Variants in SPAG17 observed in about 807,000 individuals in gnomAD.
SPAG17 encodes the protein sperm-associated antigen 17.
A neutral mutation model predicts 273.6 loss-of-function variants in SPAG17; 169 were observed. The observed-to-expected ratio is 0.62, with a 90% confidence interval of 0.55 to 0.70. The LOEUF is 0.70. Among genes scored for constraint, SPAG17 ranks in the 30% least tolerant of loss-of-function variants. The pLI is 0.00. For missense variants in SPAG17, 2,557 were observed against 2,627.8 expected (o/e 0.97, Z 0.59); for synonymous variants, 825 against 873.2 (o/e 0.94, Z 0.97).
chr1:118,002,769 C>T (rs1478612782), intron 32 of SPAG17, among the ~76,000 whole-genome samples: 1 of 152,084 alleles, frequency 6.6e-6, no homozygotes, highest in Non-Finnish European at 1.5e-5. Flanking sequence ...TGGGTCGTGA[C>T]TCTTTATCCA....
intron 25 of SPAG17, among the ~76,000 whole-genome samples, chr1:118,029,862 C>G (rs775057207): frequency 3.3e-5 from 5 of 151,898 alleles, no homozygotes; most frequent in Non-Finnish European, 7.4e-5. Context: ...TTGTCACTAA[C>G]AGAGGAAAAA....
At chr1:117,972,134 T>A in intron 44 of SPAG17, 87 bp from the exon 45 acceptor site, 21 of 1,170,814 alleles carry the variant, frequency 1.8e-5, no homozygotes, top group East Asian at 2.5e-5. Flanking sequence ...CAGAGGAAAA[T>A]AACTGTTGGG....
intron 3 of SPAG17, among the ~76,000 whole-genome samples, chr1:118,128,032 G>A (rs1180589915): frequency 1.3e-5 from 2 of 151,916 alleles, no homozygotes; most frequent in Non-Finnish European, 2.9e-5. Flanking sequence ...TGACGCAGGA[G>A]AATCGCTTGA....
intron 36 of SPAG17, 122 bp downstream of exon 36, chr1:117,992,344 A>G: frequency 1.1e-6 from 1 of 889,174 alleles, no homozygotes; most frequent in Non-Finnish European, 1.7e-6. Flanking sequence ...AAAGACTGAC[A>G]TCCTTGTGTT....
chr1:118,019,766 C>A lies in SPAG17; in HGVS notation c.4069+3538G>T, dbSNP rs547103436. ...CAACAACAACTTAAATGATAGCCAA[C>A]TTTTCAACAGCAACATTGGAAGCAA... On this transcript the variant is annotated intron_variant, in intron 28 of 48. Transcript: ENST00000336338. Among the ~76,000 whole-genome samples the A allele has an allele frequency of 1.2e-3, 176 of 152,238 alleles. 2 individuals are homozygous for A. The highest frequency in any genetic ancestry group is 4.0e-3 in the African/African-American group (167 of 41,562).
At chr1:118,136,071 C>A (rs1447784165) in intron 3 of SPAG17, among the ~76,000 whole-genome samples, 1 of 152,178 alleles carries the variant, frequency 6.6e-6, no homozygotes, top group Non-Finnish European at 1.5e-5. Context: ...ATCTGCCATA[C>A]AAGGTTGTTG....
At chr1:117,970,886 ACCCACTTTGTT>A (rs1339501279) in intron 45 of SPAG17, among the ~76,000 whole-genome samples, 3 of 152,112 alleles carry the variant, frequency 2.0e-5, no homozygotes, top group Admixed American at 2.0e-4. Flanking sequence ...ATTTCTTCCC[ACCCACTTTGTT>A]GGCAACAACC....
chr1:117,968,608 A>T (rs1654183771), intron 46 of SPAG17, among the ~76,000 whole-genome samples: 1 of 152,224 alleles, frequency 6.6e-6, no homozygotes, highest in African/African-American at 2.4e-5. Flanking sequence ...ATCTGGTCTG[A>T]ACTTTACAGA....
intron 1 of SPAG17, among the ~76,000 whole-genome samples, chr1:118,174,540 G>A (rs1660589062): frequency 6.6e-6 from 1 of 152,194 alleles, no homozygotes; most frequent in Admixed American, 6.5e-5. Context: ...ATAAGAGAGA[G>A]TGAAAGAGGT....
At position 118,086,694 on chromosome 1, in the gene SPAG17, C is replaced by CGT; in HGVS notation, c.1586_1587dup (p.Ala530ThrfsTer47). The CGT allele has an allele frequency of 6.2e-7, 1 of 1,614,060 alleles. No individual in the cohort carries two copies. The highest frequency in any genetic ancestry group is 1.1e-5 in the South Asian group (1 of 91,074). ...ACCTGTAGTGCGTACTTCTTGTGGG[C>CGT]GTGTGCATCATGATAGTTCAGTAGG... On this transcript the variant is annotated frameshift_variant, in exon 12 of 49. Coordinates refer to ENST00000336338, the MANE Select transcript of SPAG17 (RefSeq NM_206996.4). LOFTEE classifies it high-confidence loss of function.
intron 1 of SPAG17, among the ~76,000 whole-genome samples, chr1:118,171,058 A>G (rs1389425680): frequency 6.6e-6 from 1 of 152,206 alleles, no homozygotes. Flanking sequence ...GGCTCTTTTA[A>G]AAACCTAGGG....
At chr1:118,069,613 G>A (rs755561422) in intron 17 of SPAG17, among the ~76,000 whole-genome samples, 3 of 152,136 alleles carry the variant, frequency 2.0e-5, no homozygotes, top group Non-Finnish European at 4.4e-5. Context: ...AGAAATTCAG[G>A]TAGAATTTTG....
intron 1 of SPAG17, among the ~76,000 whole-genome samples, chr1:118,165,244 A>C (rs1660107430): frequency 6.6e-6 from 1 of 152,136 alleles, no homozygotes; most frequent in Non-Finnish European, 1.5e-5. Context: ...GTTGGGGCCT[A>C]AGGATTTTCA....
chr1:118,084,647 C>T (rs963428833), intron 13 of SPAG17, among the ~76,000 whole-genome samples: 2 of 152,204 alleles, frequency 1.3e-5, no homozygotes, highest in Non-Finnish European at 1.5e-5. Context: ...CAGCAACATG[C>T]TGACAGTGGG....
chr1:117,996,137 C>T (rs113594875), intron 34 of SPAG17, among the ~76,000 whole-genome samples: 216 of 152,110 alleles, frequency 1.4e-3, no homozygotes, highest in African/African-American at 4.8e-3. Context: ...ACATACTCAG[C>T]GTATGCAGAC....
rs766091398 is a variant in SPAG17, at chr1:118,012,306, G to A, written c.4354C>T (p.His1452Tyr). The change falls in exon 30 of 49, where the codon CAT becomes TAT. Residue 1452 changes from histidine to tyrosine, a missense_variant. Transcript: ENST00000336338. The part of the protein sequence containing the change: ...ERKDGTRIVD[H>Y]ADGTRITTFY... Reference sequence around the variant, plus strand: ...GTTGTGATTCTGGTACCATCAGCATGATCCACTATCCGAGTACCATCTTTC... The same window carrying A: ...GTTGTGATTCTGGTACCATCAGCATAATCCACTATCCGAGTACCATCTTTC... 1.2e-6 allele frequency: 2 copies of A among 1,613,602 alleles called. No homozygotes were observed. The highest frequency in any genetic ancestry group is 1.7e-6 in the Non-Finnish European group (2 of 1,179,780).
chr1:118,151,747 G>A (rs1406069105), intron 1 of SPAG17, among the ~76,000 whole-genome samples: 1 of 152,018 alleles, frequency 6.6e-6, no homozygotes, highest in Admixed American at 6.6e-5. Context: ...TTGTTCCCTG[G>A]TATATCCCAA....
At chr1:118,066,388 TA>T (rs892941030) in intron 18 of SPAG17, among the ~76,000 whole-genome samples, 1 of 152,148 alleles carries the variant, frequency 6.6e-6, no homozygotes, top group Non-Finnish European at 1.5e-5. Context: ...AAAATAGAGT[TA>T]AAAAAACCCA....
chr1:117,955,061 T>C, intron 48 of SPAG17: 1 of 422,228 alleles, frequency 2.4e-6, no homozygotes, highest in Non-Finnish European at 4.2e-6. Context: ...CTCATCACAG[T>C]AATTTTGTGA....
Sources: allele counts gnomAD v4.1 joint callset (sites outside exome capture counted in the v4.1 genomes callset), GRCh38; gene constraint gnomAD v4.1.1; transcripts MANE v1.5; gene names NCBI Gene and HGNC (gene_info 2026-07-23, HGNC 2026-07-21).